The following SPINK5 variants were observed in gnomAD, a reference collection of about 807,000 sequenced individuals.
The protein encoded by SPINK5 is serine protease inhibitor Kazal-type 5.
SPINK5 carries 125 observed loss-of-function variants against 151.8 expected under a neutral mutation model. The observed-to-expected ratio is 0.82, with a 90% CI of 0.71 to 0.96. The LOEUF is 0.96. Among genes scored for constraint, SPINK5 ranks in the 40% least tolerant of loss-of-function variants. The pLI is 0.00. For missense variants in SPINK5, 1,194 were observed against 1,291.9 expected (o/e 0.92, Z 1.16); for synonymous variants, 374 against 395.3 (o/e 0.95, Z 0.64).
Position 148,069,481 on chromosome 5 carries a change from A to G in SPINK5, c.82-842A>G, listed in dbSNP as rs1011680020. ...AAAAAAATTACCAGAGAGAGAGAGA[A>G]AGAGAGAGAAAGAGAGAGAAAGCCT... On this transcript the variant is annotated intron_variant, in intron 2 of 32. Transcript: ENST00000256084. Among the ~76,000 whole-genome samples, 8 of 149,698 alleles carry G rather than the reference A, an allele frequency of 5.3e-5. No individual in the cohort carries two copies. In the East Asian group the frequency reaches 1.6e-3, roughly 29 times the overall value.
chr5:148,104,940 G>C lies in SPINK5; in HGVS notation c.1431-12G>C, dbSNP rs368134354. On this transcript the variant is annotated splice_polypyrimidine_tract_variant and intron_variant, in intron 15 of 32. Coordinates refer to ENST00000256084, the MANE Select transcript of SPINK5 (RefSeq NM_006846.4). Reference sequence around the variant, plus strand: ...CCATTTCTTCTCTCTTTTTCTTTTCGGTTTCTTAAAGTCAACAAGAAGAAA... The same window carrying C: ...CCATTTCTTCTCTCTTTTTCTTTTCCGTTTCTTAAAGTCAACAAGAAGAAA... The C allele has an allele frequency of 6.2e-7, 1 of 1,606,330 alleles. No individual in the cohort carries two copies. The highest frequency in any genetic ancestry group is 1.3e-5 in the African/African-American group (1 of 74,130).
At chr5:148,070,808 G>A (rs1344701971) in intron 3 of SPINK5, among the ~76,000 whole-genome samples, 2 of 152,088 alleles carry the variant, frequency 1.3e-5, no homozygotes, top group African/African-American at 2.4e-5. Context: ...GTTAAGACCT[G>A]ATTCTGTTGC....
rs1254847878 is a variant in SPINK5, at chr5:148,127,056, A to G, written c.2941A>G (p.Ser981Gly). The G allele has an allele frequency of 3.1e-6, 5 of 1,613,456 alleles. No individual in the cohort carries two copies. Among genetic ancestry groups the G allele is most frequent in the Non-Finnish European group, 3.4e-6 (4 of 1,179,724 alleles). ...SHVRASQEED[S>G]PDSFSSLDSE... Reference sequence around the variant, plus strand: ...TGTTAGAGCTTCTCAAGAGGAAGACAGCCCAGACTCTTTCAGTTCTCTGGT... The same window carrying G: ...TGTTAGAGCTTCTCAAGAGGAAGACGGCCCAGACTCTTTCAGTTCTCTGGT... Residue 981 changes from serine to glycine, a missense_variant, in exon 30 of 33, where the codon AGC (serine) becomes GGC (glycine). Physicochemically the swap from Ser to Gly is moderately conservative, Grantham distance 56. Transcript: ENST00000256084.
intron 9 of SPINK5, 92 bp from the exon 10 acceptor site, chr5:148,095,726 G>A (rs1049189366): frequency 2.7e-6 from 3 of 1,111,776 alleles, no homozygotes; most frequent in African/African-American, 3.1e-5. Context: ...TAAAACTCAG[G>A]ACAACTTAGA....
intron 32 of SPINK5, chr5:148,134,167 G>C (rs564702169): frequency 1.1e-5 from 5 of 443,194 alleles, no homozygotes; most frequent in South Asian, 1.0e-4. Flanking sequence ...TTTCAGGATA[G>C]GTTTTGTTTT....
At chr5:148,078,179 A>G (rs549151383) in intron 4 of SPINK5, among the ~76,000 whole-genome samples, 104 of 151,316 alleles carry the variant, frequency 6.9e-4, no homozygotes, top group African/African-American at 2.5e-3. Context: ...ACATTAAGAC[A>G]TTATTAGAGA....
At position 148,124,742 on chromosome 5, in the gene SPINK5, C is replaced by CTT. The variant is rs3036731; in HGVS notation, c.2667-15_2667-14dup. Reference sequence around the variant, plus strand: ...AACAACCCTTGAAAAATTACCCTATCTTTTTTTTTAATTATTCTGCAGTGA... The same window carrying CTT: ...AACAACCCTTGAAAAATTACCCTATCTTTTTTTTTTTAATTATTCTGCAGTGA... On this transcript the variant is annotated intron_variant, in intron 27 of 32. Coordinates refer to ENST00000256084, the MANE Select transcript of SPINK5 (RefSeq NM_006846.4). The CTT allele has an allele frequency of 0.014, 18,948 of 1,337,568 alleles. 97 individuals are homozygous for CTT. Among genetic ancestry groups the CTT allele is most frequent in the African/African-American group, 0.063 (4,293 of 68,508 alleles). The allele number at this position is 1,337,568 out of a possible 1,614,324, so 82.9% of individuals were successfully genotyped here.
At chr5:148,094,215 A>G in intron 8 of SPINK5, 139 bp from the exon 9 acceptor site, 1 of 871,852 alleles carries the variant, frequency 1.1e-6, no homozygotes, top group East Asian at 2.8e-5. Context: ...AGGATCTCTG[A>G]GCCTAGAGGT....
Position 148,116,442 on chromosome 5 carries a change from T to C in SPINK5, c.2088T>C (p.Ser696=). Residue 696 remains serine (S), a synonymous_variant, in exon 22 of 33, where the codon AGT becomes AGC. Coordinates refer to ENST00000256084, the MANE Select transcript of SPINK5 (RefSeq NM_006846.4). ...DQRNAAGHGS[S]GGGGGNTQDE... is the part of the protein sequence containing the mutation. ...GAAATGCTGCAGGACATGGTTCCAG[T>C]GGTGGTGGAGGAGGAAACACTCAGG... The C allele has an allele frequency of 6.2e-7, 1 of 1,609,930 alleles. No homozygotes were observed. The highest frequency in any genetic ancestry group is 8.5e-7 in the Non-Finnish European group (1 of 1,179,874).
intron 2 of SPINK5, 89 bp downstream of exon 2, chr5:148,065,461 A>ATTATT: frequency 7.3e-7 from 1 of 1,366,708 alleles, no homozygotes; most frequent in Non-Finnish European, 1.0e-6. Flanking sequence ...TTAATAATAC[A>ATTATT]AACATATTAT....
chr5:148,072,369 C>T lies in SPINK5; in HGVS notation c.282+149C>T, dbSNP rs189733133. 23 of 798,072 alleles carry T rather than the reference C, an allele frequency of 2.9e-5. No individual in the cohort carries two copies. In the African/African-American group the frequency reaches 3.1e-4, roughly 11 times the overall value. 49.4% of individuals were successfully genotyped at this position (798,072 alleles called of 1,614,324 possible). ...GAACATGGGTTAGTCCAGGGGTGGGCTAAATATCTGGTACATCTTGTCCAT... is the reference window on the plus strand; with the variant it reads ...GAACATGGGTTAGTCCAGGGGTGGGTTAAATATCTGGTACATCTTGTCCAT... On this transcript the variant is annotated intron_variant, in intron 4 of 32. Transcript: ENST00000256084.
chr5:148,073,888 C>T (rs936844554), intron 4 of SPINK5, among the ~76,000 whole-genome samples: 2 of 146,096 alleles, frequency 1.4e-5, no homozygotes, highest in Non-Finnish European at 3.0e-5. Context: ...AAAAAACCCT[C>T]TAGATAAAAC....
chr5:148,136,021 A>G (rs1307373783), intron 32 of SPINK5, among the ~76,000 whole-genome samples: 1 of 152,076 alleles, frequency 6.6e-6, no homozygotes, highest in African/African-American at 2.4e-5. Flanking sequence ...CATTTTACAG[A>G]AAATCATCCT....
At chr5:148,100,417 G>A in intron 12 of SPINK5, 37 bp from the exon 13 acceptor site, 11 of 1,598,464 alleles carry the variant, frequency 6.9e-6, no homozygotes, top group Non-Finnish European at 9.4e-6. Context: ...AAGTAGAAAT[G>A]AAATATATGG....
At chr5:148,086,069 G>A (rs969307797) in intron 4 of SPINK5, among the ~76,000 whole-genome samples, 15 of 151,804 alleles carry the variant, frequency 9.9e-5, no homozygotes, top group Non-Finnish European at 1.8e-4. Flanking sequence ...TTTCATATCC[G>A]TAATCTACTG....
intron 18 of SPINK5, among the ~76,000 whole-genome samples, chr5:148,109,830 A>G (rs1346196934): frequency 6.6e-6 from 1 of 152,146 alleles, no homozygotes; most frequent in South Asian, 2.1e-4. Flanking sequence ...GTGGCTTCTC[A>G]CCTCACTCAA....
At chr5:148,073,960 A>G (rs1455839734) in intron 4 of SPINK5, among the ~76,000 whole-genome samples, 2 of 151,482 alleles carry the variant, frequency 1.3e-5, no homozygotes, top group Non-Finnish European at 2.9e-5. Context: ...AGTAACTTAC[A>G]TTAAGTTAAG....
chr5:148,086,783 G>A (rs1014402156), intron 5 of SPINK5, among the ~76,000 whole-genome samples: 6 of 150,878 alleles, frequency 4.0e-5, no homozygotes, highest in African/African-American at 1.5e-4. Context: ...GACAGAATAG[G>A]GAGATTATAG....
chr5:148,087,676 T>TG (rs1753197285), intron 5 of SPINK5, among the ~76,000 whole-genome samples: 1 of 151,824 alleles, frequency 6.6e-6, no homozygotes, highest in African/African-American at 2.4e-5. Context: ...GTGTCTTATG[T>TG]GGGGAATCCC....
Sources: allele counts gnomAD v4.1 joint callset (sites outside exome capture counted in the v4.1 genomes callset), GRCh38; gene constraint gnomAD v4.1.1; transcripts MANE v1.5; gene names NCBI Gene and HGNC (gene_info 2026-07-23, HGNC 2026-07-21).